The following UBAP2 variants were observed in gnomAD, a reference collection of about 807,000 sequenced individuals.
UBAP2 encodes the protein ubiquitin associated protein 2, also known as ubiquitin-associated protein 2.
A neutral mutation model predicts 139.6 loss-of-function variants in UBAP2; 75 were observed. The ratio of observed to expected loss-of-function variants is 0.54; its 90% CI spans 0.45 to 0.65. The LOEUF (loss-of-function observed/expected upper bound fraction) is 0.65. Ranked by LOEUF, UBAP2 falls within the 30% of genes least tolerant of loss-of-function variation. UBAP2 has a pLI of 0.00. For missense variants in UBAP2, 1,368 were observed against 1,369.6 expected, an observed-to-expected ratio of 1.00 and a Z score of 0.02; for synonymous variants, 526 against 526.2, an observed-to-expected ratio of 1.00 and a Z score of 0.01.
Position 33,953,458 on chromosome 9 carries a change from A to G in UBAP2, c.883T>C (p.Leu295=). The part of the protein sequence containing the change: ...LPGQSIDLVA[L]LQKPVPHSQA... ...CTGTGAGGAACAGGCTTCTGGAGCA[A>G]GGCTACCAGATCAATGCTAAGCAGA... Residue 295 remains leucine, a synonymous_variant, in exon 12 of 29, where the codon TTG becomes CTG. Coordinates refer to ENST00000379238, the MANE Select transcript of UBAP2 (RefSeq NM_001370062.2). 6.2e-7 allele frequency: 1 copy of G among 1,614,072 alleles called. No homozygotes were observed.
chr9:33,945,221 G>A (rs901824849), intron 13 of UBAP2, among the ~76,000 whole-genome samples: 1 of 152,038 alleles, frequency 6.6e-6, no homozygotes, highest in Non-Finnish European at 1.5e-5. Context: ...AAAGATGGCT[G>A]GGCGCAGTGG....
chr9:33,983,044 A>AT (rs879335577), intron 6 of UBAP2, among the ~76,000 whole-genome samples: 1 of 151,736 alleles, frequency 6.6e-6, no homozygotes, highest in South Asian at 2.1e-4. Flanking sequence ...TACCCAGCTA[A>AT]TTTTTTTGTA....
Position 33,944,361 on chromosome 9 carries a change from C to A in UBAP2, c.1545+4G>T. The A allele has an allele frequency of 6.2e-7, 1 of 1,609,216 alleles. No individual in the cohort carries two copies. Among genetic ancestry groups the A allele is most frequent in the Non-Finnish European group, 8.5e-7 (1 of 1,175,978 alleles). On this transcript the variant is annotated splice_donor_region_variant and intron_variant, in intron 14 of 28. Coordinates refer to ENST00000379238, the MANE Select transcript of UBAP2 (RefSeq NM_001370062.2). ...GGACGGTGACTTCATGATGAAATGC[C>A]CACCTTAGAAGCTGGGGGTATCCGC... is the stretch of plus-strand genomic sequence containing the variant.
intron 16 of UBAP2, among the ~76,000 whole-genome samples, chr9:33,936,645 A>AAAAAC (rs911799433): frequency 1.3e-5 from 2 of 152,130 alleles, no homozygotes; most frequent in African/African-American, 2.4e-5. Context: ...CTCCATCTCA[A>AAAAAC]AAAACAAAAC....
At position 33,960,840 on chromosome 9, in the gene UBAP2, CTTCTGT is replaced by C; in HGVS notation, c.778_783del (p.Thr260_Glu261del). On this transcript the variant is annotated inframe_deletion, in exon 10 of 29. Coordinates refer to ENST00000379238, the MANE Select transcript of UBAP2 (RefSeq NM_001370062.2). Reference sequence around the variant, plus strand: ...CAAACACTTACATCTTCAGTCCAGTCTTCTGTTGTCCACTCTTCCACAGAATTCTTC... The same window carrying C: ...CAAACACTTACATCTTCAGTCCAGTCTGTCCACTCTTCCACAGAATTCTTC... The C allele has an allele frequency of 6.2e-7, 1 of 1,613,558 alleles. No individual in the cohort carries two copies. The highest frequency in any genetic ancestry group is 8.5e-7 in the Non-Finnish European group (1 of 1,179,906).
At chr9:34,032,916 C>CAAAAAAAAAAAAAAAAAAATAA (rs1826013688) in intron 1 of UBAP2, among the ~76,000 whole-genome samples, 1 of 118,074 alleles carries the variant, frequency 8.5e-6, no homozygotes, top group Non-Finnish European at 1.7e-5. Context: ...ACCCTGTCTT[C>CAAAAAAAAAAAAAAAAAAATAA]AAAAAAAAAA....
intron 6 of UBAP2, among the ~76,000 whole-genome samples, chr9:33,976,060 T>G (rs972155358): frequency 2.3e-4 from 35 of 152,134 alleles, no homozygotes; most frequent in Middle Eastern, 3.4e-3. Flanking sequence ...TACAATAAAT[T>G]TTTTTAATAA....
At chr9:34,002,625 C>T (rs1289476373) in intron 2 of UBAP2, among the ~76,000 whole-genome samples, 1 of 152,032 alleles carries the variant, frequency 6.6e-6, no homozygotes, top group African/African-American at 2.4e-5. Flanking sequence ...ATCCGCCCAC[C>T]TCGGCCTCCC....
At chr9:33,941,915 TAA>T (rs33950531) in intron 15 of UBAP2, 53 bp from the exon 16 acceptor site, 86,452 of 997,000 alleles carry the variant, frequency 0.087, 1,865 homozygotes, top group Middle Eastern at 0.12. Context: ...AATAGCTTCA[TAA>T]AAAAAAAAAA....
chr9:33,986,665 G>T, intron 6 of UBAP2, 95 bp downstream of exon 6: 1 of 1,010,006 alleles, frequency 9.9e-7, no homozygotes, highest in Non-Finnish European at 1.6e-6. Context: ...TATTCTTTCA[G>T]AACACACTGC....
At chr9:33,938,795 C>CA (rs10577457) in intron 16 of UBAP2, 8,835 of 308,992 alleles carry the variant, frequency 0.029, 65 homozygotes, top group Middle Eastern at 0.059. Context: ...GACTCCATCT[C>CA]AAAAAAAAAA....
At chr9:33,978,069 G>A (rs1326423361) in intron 6 of UBAP2, among the ~76,000 whole-genome samples, 1 of 149,624 alleles carries the variant, frequency 6.7e-6, no homozygotes, top group Non-Finnish European at 1.5e-5. Context: ...CATAAATATG[G>A]AGTCTTTCAT....
In UBAP2 at chr9:33,922,315, A is replaced by G. The variant is rs1483970500; in HGVS notation, c.*189T>C. The stretch of plus-strand genomic sequence containing the variant: ...TCCCCCAACTCCCCCCCAGACTTCT[A>G]TCACATTTACAAATACATACATAAA... On this transcript the variant is annotated 3_prime_UTR_variant, in exon 29 of 29. Transcript: ENST00000379238. The G allele has an allele frequency of 6.5e-6, 4 of 610,802 alleles. No individual in the cohort carries two copies. The highest frequency in any genetic ancestry group is 3.7e-5 in the African/African-American group (2 of 53,860). The allele number at this position is 610,802 out of a possible 1,614,324, so 37.8% of individuals were successfully genotyped here.
At chr9:34,028,661 C>T (rs949521897) in intron 1 of UBAP2, among the ~76,000 whole-genome samples, 2 of 151,914 alleles carry the variant, frequency 1.3e-5, no homozygotes, top group Admixed American at 6.6e-5. Context: ...ATTACAGACA[C>T]GAGCCACTGC....
At chr9:34,043,093 T>C (rs951418027) in intron 1 of UBAP2, among the ~76,000 whole-genome samples, 2 of 152,098 alleles carry the variant, frequency 1.3e-5, no homozygotes, top group African/African-American at 2.4e-5. Flanking sequence ...TACATATGTG[T>C]TTACCCCCAA....
chr9:33,941,999 TGA>T, intron 15 of UBAP2, 137 bp from the exon 16 acceptor site: 1 of 645,434 alleles, frequency 1.5e-6, no homozygotes, highest in South Asian at 2.0e-5. Context: ...CTAATTTAAC[TGA>T]GAGATAGGGG....
intron 9 of UBAP2, among the ~76,000 whole-genome samples, chr9:33,962,341 G>A (rs1827111449): frequency 6.6e-6 from 1 of 152,150 alleles, no homozygotes; most frequent in African/African-American, 2.4e-5. Flanking sequence ...TGGCAATTCA[G>A]GAGACATATT....
At chr9:33,935,907 A>T in intron 16 of UBAP2, 29 bp from the exon 17 acceptor site, 1 of 1,602,328 alleles carries the variant, frequency 6.2e-7, no homozygotes, top group East Asian at 2.2e-5. Flanking sequence ...AAGAGAATAT[A>T]AACTTACAAA....
intron 1 of UBAP2, among the ~76,000 whole-genome samples, chr9:34,021,887 A>G (rs926464315): frequency 1.3e-5 from 2 of 151,924 alleles, no homozygotes; most frequent in South Asian, 4.2e-4. Flanking sequence ...AACCGCCTCA[A>G]CCTCCCAAAG....
Sources: allele counts gnomAD v4.1 joint callset (sites outside exome capture counted in the v4.1 genomes callset), GRCh38; gene constraint gnomAD v4.1.1; transcripts MANE v1.5; gene names NCBI Gene and HGNC (gene_info 2026-07-23, HGNC 2026-07-21).